ZC3HC1: variants seen among roughly 807,000 people sequenced by gnomAD.
ZC3HC1 encodes zinc finger C3HC-type protein 1.
In ZC3HC1, 38 loss-of-function variants were observed where a neutral mutation model predicts 61.9. The observed-to-expected ratio is 0.61, with a 90% CI of 0.47 to 0.81. The LOEUF (loss-of-function observed/expected upper bound fraction) is 0.81. Among genes scored for constraint, ZC3HC1 ranks in the 30% least tolerant of loss-of-function variants. The pLI, the probability that ZC3HC1 is intolerant of heterozygous loss-of-function variation, is 0.00. For missense variants in ZC3HC1, 554 were observed against 622.7 expected, an observed-to-expected ratio of 0.89 and a Z score of 1.17; for synonymous variants, 213 against 229.9, an observed-to-expected ratio of 0.93 and a Z score of 0.67.
At chr7:130,047,438 A>AT (rs1004786387) in intron 2 of ZC3HC1, among the ~76,000 whole-genome samples, 6 of 152,118 alleles carry the variant, frequency 3.9e-5, no homozygotes, top group Non-Finnish European at 7.4e-5. Flanking sequence ...GATTTGGCTT[A>AT]TTTTATGGTC....
At position 130,023,455 on chromosome 7, in the gene ZC3HC1, G is replaced by T; in HGVS notation, c.1233+56C>A. The T allele has an allele frequency of 6.4e-7, 1 of 1,557,198 alleles. No individual in the cohort carries two copies. Among genetic ancestry groups the T allele is most frequent in the South Asian group, 1.1e-5 (1 of 88,076 alleles). On this transcript the variant is annotated intron_variant, in intron 8 of 9. Transcript: ENST00000358303. This position sits in a 1 kb window ranked among gnomAD's most constrained non-coding sequence, Gnocchi z 4.2. ...CTGCCTGCTTCTCCATGCTGCCTAG[G>T]GAGGGCCCAATATGCTGTTTATGCT...
At chr7:130,048,331 G>GTTTTA (rs974566994) in intron 2 of ZC3HC1, among the ~76,000 whole-genome samples, 1 of 151,538 alleles carries the variant, frequency 6.6e-6, no homozygotes, top group Non-Finnish European at 1.5e-5. Flanking sequence ...GTTTTGTTTT[G>GTTTTA]TTTTATTTTA....
chr7:130,030,928 A>G (rs1253642345), intron 4 of ZC3HC1, among the ~76,000 whole-genome samples: 1 of 150,404 alleles, frequency 6.6e-6, no homozygotes, highest in East Asian at 2.0e-4. Context: ...TCGGCCTCCC[A>G]AAGTGCTGGG....
intron 4 of ZC3HC1, 60 bp from the exon 5 acceptor site, chr7:130,029,089 G>A (rs920646172): frequency 4.6e-5 from 71 of 1,529,854 alleles, no homozygotes; most frequent in Non-Finnish European, 4.4e-5. Context: ...TAAAAAACAC[G>A]GCTGGGCATG....
At chr7:130,046,520 T>C (rs867807951) in intron 2 of ZC3HC1, among the ~76,000 whole-genome samples, 2 of 151,448 alleles carry the variant, frequency 1.3e-5, no homozygotes, top group South Asian at 4.2e-4. Context: ...GGCAGGAGAA[T>C]TGCTTAAACC....
At chr7:130,022,652 CA>C in intron 8 of ZC3HC1, 127 bp from the exon 9 acceptor site, 1 of 969,840 alleles carries the variant, frequency 1.0e-6, no homozygotes, top group South Asian at 1.6e-5. Flanking sequence ...TGCTCTCCTT[CA>C]AACTTTGCCT....
intron 3 of ZC3HC1, among the ~76,000 whole-genome samples, chr7:130,040,590 G>C (rs941585743): frequency 4.7e-5 from 7 of 149,442 alleles, no homozygotes; most frequent in Non-Finnish European, 8.9e-5. Context: ...CGGATCACTT[G>C]AGCTCAGGAG....
In ZC3HC1 at chr7:130,023,510, C is replaced by G; in HGVS notation, c.1233+1G>C. On this transcript the variant is annotated splice_donor_variant, in intron 8 of 9. Transcript: ENST00000358303. LOFTEE classifies it high-confidence loss of function. The surrounding 1 kb of genome is among the most constrained non-coding windows in gnomAD (Gnocchi z 4.2). ...CACTGCTACATGCGAGGTGGACTCA[C>G]CGAACTGCTGGAGGAGCAGAGGCGA... 1 of 1,613,912 alleles carries G rather than the reference C, an allele frequency of 6.2e-7. No homozygotes were observed. Among genetic ancestry groups the G allele is most frequent in the Non-Finnish European group, 8.5e-7 (1 of 1,179,968 alleles).
intron 2 of ZC3HC1, among the ~76,000 whole-genome samples, chr7:130,048,403 A>C (rs1298034411): frequency 6.6e-6 from 1 of 152,020 alleles, no homozygotes; most frequent in African/African-American, 2.4e-5. Flanking sequence ...GCCCTGACCA[A>C]CCTTAATTGC....
intron 7 of ZC3HC1, among the ~76,000 whole-genome samples, 183 bp downstream of exon 7, chr7:130,024,080 G>C (rs545738287): frequency 1.1e-4 from 17 of 152,186 alleles, no homozygotes; most frequent in Non-Finnish European, 2.1e-4. Context: ...GATCATAGGC[G>C]TGAGCCACCG....
chr7:130,031,733 A>T (rs958490892), intron 4 of ZC3HC1, among the ~76,000 whole-genome samples: 2 of 152,156 alleles, frequency 1.3e-5, no homozygotes, highest in Admixed American at 6.6e-5. Context: ...CAAAGACCTG[A>T]AAAGGCCCTA....
intron 2 of ZC3HC1, among the ~76,000 whole-genome samples, chr7:130,046,337 T>C (rs998927568): frequency 2.2e-4 from 34 of 152,156 alleles, no homozygotes; most frequent in Non-Finnish European, 4.4e-5. Context: ...CCAGGCATGG[T>C]GGCTCATGCC....
At chr7:130,040,214 G>T (rs950525027) in intron 3 of ZC3HC1, among the ~76,000 whole-genome samples, 1 of 109,728 alleles carries the variant, frequency 9.1e-6, no homozygotes, top group African/African-American at 3.3e-5. Flanking sequence ...AAAAAAAAAG[G>T]CCGGGCACGG....
chr7:130,027,876 T>C (rs879402866), intron 5 of ZC3HC1, among the ~76,000 whole-genome samples: 3 of 151,824 alleles, frequency 2.0e-5, no homozygotes, highest in Non-Finnish European at 4.4e-5. Flanking sequence ...TTACTTTCTT[T>C]GAAAAATGAT....
chr7:130,047,796 A>T (rs1794925190), intron 2 of ZC3HC1, among the ~76,000 whole-genome samples: 2 of 152,156 alleles, frequency 1.3e-5, no homozygotes, highest in Non-Finnish European at 2.9e-5. Context: ...GCCTTCTTAT[A>T]TTCATGCCCT....
intron 5 of ZC3HC1, chr7:130,027,308 GTCTCA>G (rs1488767839): frequency 6.6e-6 from 1 of 152,238 alleles, no homozygotes; most frequent in Non-Finnish European, 1.5e-5. Context: ...AACGCGTCCA[GTCTCA>G]TCTCATCTCG....
At chr7:130,018,799 TC>T in intron 9 of ZC3HC1, 67 bp from the exon 10 acceptor site, 1 of 1,394,370 alleles carries the variant, frequency 7.2e-7, no homozygotes, top group South Asian at 1.2e-5. Flanking sequence ...AGATCATTTG[TC>T]CCACAATGAT....
At chr7:130,026,073 T>C in intron 6 of ZC3HC1, 85 bp downstream of exon 6, 2 of 1,435,108 alleles carry the variant, frequency 1.4e-6, no homozygotes, top group Non-Finnish European at 1.9e-6. Flanking sequence ...CACCATGTGA[T>C]TTCTAAATAC....
At chr7:130,035,890 C>A (rs992945728) in intron 4 of ZC3HC1, among the ~76,000 whole-genome samples, 2 of 152,192 alleles carry the variant, frequency 1.3e-5, no homozygotes, top group Non-Finnish European at 2.9e-5. Context: ...ACAGGCTACA[C>A]TTGAAGGTCT....
Sources: allele counts gnomAD v4.1 joint callset (sites outside exome capture counted in the v4.1 genomes callset), GRCh38; gene constraint gnomAD v4.1.1; non-coding constraint Gnocchi (gnomAD v3.1); transcripts MANE v1.5; gene names NCBI Gene and HGNC (gene_info 2026-07-23, HGNC 2026-07-21).